DAPK2: variants seen among roughly 807,000 people sequenced by gnomAD.
DAPK2 encodes the protein death associated protein kinase 2.
In DAPK2, 35 loss-of-function variants were observed where a neutral mutation model predicts 44.1. The observed-to-expected ratio is 0.79, with a 90% CI of 0.61 to 1.05. The LOEUF (loss-of-function observed/expected upper bound fraction) is 1.05, where lower values mean the gene tolerates loss of function less well. Among genes scored for constraint, DAPK2 ranks in the 50% least tolerant of loss-of-function variants. The pLI is 0.00. For synonymous variants in DAPK2, 174 were observed against 182.6 expected (o/e 0.95, Z 0.38); for missense variants, 453 against 483.2 (o/e 0.94, Z 0.59).
intron 1 of DAPK2, among the ~76,000 whole-genome samples, chr15:64,000,345 C>T (rs2079053546): frequency 6.6e-6 from 1 of 152,168 alleles, no homozygotes; most frequent in Non-Finnish European, 1.5e-5. Flanking sequence ...ACCTTTCTCC[C>T]TGAACAAATA....
In DAPK2 at chr15:64,013,854, TGCCATTATGA is replaced by T. The variant is rs2079452478; in HGVS notation, c.92+26306_92+26315del. Among the ~76,000 whole-genome samples, 1 of 152,218 alleles carries T rather than the reference TGCCATTATGA, an allele frequency of 6.6e-6. No individual in the cohort carries two copies. Among genetic ancestry groups the T allele is most frequent in the Non-Finnish European group, 1.5e-5 (1 of 68,042 alleles). On this transcript the variant is annotated intron_variant, in intron 1 of 10. Coordinates refer to ENST00000261891, the Ensembl canonical transcript of DAPK2. This position sits in a 1 kb window ranked among gnomAD's most constrained non-coding sequence, Gnocchi z 4.7. The stretch of plus-strand genomic sequence containing the variant: ...CCAGCCTCACATGAATAAATCATGA[TGCCATTATGA>T]GCAGATAGAAATCTCCTGCTTCAGG...
In DAPK2 at chr15:64,020,459, T is replaced by C. The variant is rs1257190416; in HGVS notation, c.92+19711A>G. On this transcript the variant is annotated intron_variant, in intron 1 of 10. Transcript: ENST00000261891. This position sits in a 1 kb window ranked among gnomAD's most constrained non-coding sequence, Gnocchi z 4.5. ...TGCAGTAATGATTAAGGTGATACCA[T>C]GGCATCATCAATTCTCTTGCCTCTT... 6.6e-6 allele frequency among the ~76,000 whole-genome samples: 1 copy of C among 152,358 alleles called. No homozygotes were observed. The highest frequency in any genetic ancestry group is 1.5e-5 in the Non-Finnish European group (1 of 68,036).
intron 3 of DAPK2, among the ~76,000 whole-genome samples, chr15:63,964,206 AT>A (rs1190459744): frequency 2.6e-5 from 4 of 152,078 alleles, no homozygotes; most frequent in African/African-American, 9.7e-5. Flanking sequence ...TTTGAAGGAT[AT>A]TTTTGCTGGA....
In DAPK2 at chr15:63,993,164, A is replaced by G. The variant is rs540187766; in HGVS notation, c.93-9410T>C. On this transcript the variant is annotated intron_variant, in intron 1 of 10. Coordinates refer to ENST00000261891, the Ensembl canonical transcript of DAPK2. ...TCTTCCTGGCCCACAACCCCCTGTG[A>G]TCTTTCCCATAATTCATGTAAGGTG... is the stretch of plus-strand genomic sequence containing the variant. Among the ~76,000 whole-genome samples, 3 of 152,152 alleles carry G rather than the reference A, an allele frequency of 2.0e-5. No individual in the cohort carries two copies. The South Asian group carries it at 6.2e-4, about 32-fold the overall frequency.
intron 1 of DAPK2, among the ~76,000 whole-genome samples, chr15:63,999,676 C>T (rs1420452622): frequency 6.6e-6 from 1 of 152,124 alleles, no homozygotes; most frequent in Non-Finnish European, 1.5e-5. Flanking sequence ...CAAGAGTCCC[C>T]TGCCCCATTC....
In DAPK2 at chr15:63,912,237, T is replaced by TCAGACAGCAG; in HGVS notation, c.859-50_859-41dup. 6.2e-7 allele frequency: 1 copy of TCAGACAGCAG among 1,600,678 alleles called. No individual in the cohort carries two copies. The highest frequency in any genetic ancestry group is 2.2e-5 in the East Asian group (1 of 44,810). On this transcript the variant is annotated intron_variant, in intron 8 of 10. Coordinates refer to ENST00000261891, the Ensembl canonical transcript of DAPK2. This position sits in a 1 kb window ranked among gnomAD's most constrained non-coding sequence, Gnocchi z 4.4. ...AGAGCATGGCAGCTGATGCTGGGCT[T>TCAGACAGCAG]CAGACAGCAGCCACCCTCCTCGCCG...
At chr15:64,010,886 G>A (rs145703937) in intron 1 of DAPK2, among the ~76,000 whole-genome samples, 6 of 152,192 alleles carry the variant, frequency 3.9e-5, no homozygotes, top group Non-Finnish European at 5.9e-5. Flanking sequence ...TGTCCTGACC[G>A]CATCACAAGA....
At chr15:63,938,565 A>G (rs541758307) in intron 4 of DAPK2, among the ~76,000 whole-genome samples, 14 of 152,082 alleles carry the variant, frequency 9.2e-5, no homozygotes, top group Non-Finnish European at 1.6e-4. Context: ...GACCACTCCA[A>G]CTCCCAAAGC....
In DAPK2 at chr15:63,971,576, C is replaced by CG. The variant is rs754224413; in HGVS notation, c.315-16dup. 1.5e-5 allele frequency: 24 copies of CG among 1,612,816 alleles called. No homozygotes were observed. Among genetic ancestry groups the CG allele is most frequent in the African/African-American group, 1.3e-4 (10 of 74,866 alleles). Reference sequence around the variant, plus strand: ...CTCCAGACACTCTGTAAAACACCAGCGGGGGGAGGGGAGGCCCAGGCCCAG... The same window carrying CG: ...CTCCAGACACTCTGTAAAACACCAGCGGGGGGGAGGGGAGGCCCAGGCCCAG... On this transcript the variant is annotated splice_polypyrimidine_tract_variant and intron_variant, in intron 2 of 10. Coordinates refer to ENST00000261891, the Ensembl canonical transcript of DAPK2.
Position 63,939,684 on chromosome 15 carries a change from T to A in DAPK2, c.454-323A>T, listed in dbSNP as rs968088469. Among the ~76,000 whole-genome samples the A allele has an allele frequency of 6.6e-6, 1 of 152,194 alleles. No homozygotes were observed. The highest frequency in any genetic ancestry group is 2.1e-4 in the South Asian group (1 of 4,826). On this transcript the variant is annotated intron_variant, in intron 3 of 10. Coordinates refer to ENST00000261891, the Ensembl canonical transcript of DAPK2. This position sits in a 1 kb window ranked among gnomAD's most constrained non-coding sequence, Gnocchi z 4.3. The stretch of plus-strand genomic sequence containing the variant: ...TTAATGCAGTGCCTCTGTTTTCCTA[T>A]CTGTCAAATGGGGCCAATGAGATAC...
intron 2 of DAPK2, among the ~76,000 whole-genome samples, chr15:63,982,758 T>C (rs1386602684): frequency 6.6e-6 from 1 of 152,232 alleles, no homozygotes; most frequent in Non-Finnish European, 1.5e-5. Context: ...GTCCTGCCAC[T>C]TCCTGGCTAT....
intron 1 of DAPK2, among the ~76,000 whole-genome samples, chr15:63,992,216 G>A (rs183459957): frequency 2.6e-5 from 4 of 152,254 alleles, no homozygotes; most frequent in African/African-American, 9.6e-5. Flanking sequence ...ACTTGGCTAC[G>A]TAAAGAAAGA....
chr15:63,962,700 C>G (rs944827191), intron 3 of DAPK2, among the ~76,000 whole-genome samples: 6 of 152,126 alleles, frequency 3.9e-5, no homozygotes, highest in Admixed American at 3.9e-4. Context: ...CTGCCTGATC[C>G]CTCTTCTGGA....
At chr15:64,010,109 A>T (rs1411806006) in intron 1 of DAPK2, among the ~76,000 whole-genome samples, 1 of 152,142 alleles carries the variant, frequency 6.6e-6, no homozygotes, top group African/African-American at 2.4e-5. Flanking sequence ...TAAGATCAGG[A>T]TCATCTGGGA....
chr15:63,922,515 G>T, intron 8 of DAPK2: 2 of 1,347,076 alleles, frequency 1.5e-6, no homozygotes, highest in Non-Finnish European at 1.9e-6. Context: ...CAGCTTGGCT[G>T]CCCTGCCAGA....
rs146445151 is a variant in DAPK2 at position 63,965,556 on chromosome 15, C to G, written c.453+5867G>C. Among the ~76,000 whole-genome samples the G allele has an allele frequency of 5.3e-5, 8 of 152,342 alleles. No individual in the cohort carries two copies. The East Asian group carries it at 5.8e-4, about 11-fold the overall frequency. On this transcript the variant is annotated intron_variant, in intron 3 of 10. Transcript: ENST00000261891. ...TTCCCTCAGGGTGGTGAGCTTCCCC[C>G]CCTTGGGTGGTCCAGAGATGCCATC... is the stretch of plus-strand genomic sequence containing the variant.
rs2078542022 is a variant in DAPK2 at position 63,982,340 on chromosome 15, G to GCA, written c.314+1192_314+1193insTG. Among the ~76,000 whole-genome samples, 3 of 152,008 alleles carry GCA rather than the reference G, an allele frequency of 2.0e-5. No individual in the cohort carries two copies. In the South Asian group the frequency reaches 6.3e-4, roughly 32 times the overall value. ...CGAGTAGCTGGGATTACAGACACCT[G>GCA]CCACCACACCCGGCTAATTTTTGTA... On this transcript the variant is annotated intron_variant, in intron 2 of 10. Transcript: ENST00000261891.
intron 3 of DAPK2, among the ~76,000 whole-genome samples, chr15:63,956,333 T>A (rs952806725): frequency 6.6e-6 from 1 of 152,066 alleles, no homozygotes; most frequent in African/African-American, 2.4e-5. Context: ...TTCTACTAAT[T>A]TTGGATTTGG....
chr15:63,983,136 T>G (rs560529927), intron 2 of DAPK2, among the ~76,000 whole-genome samples: 5 of 152,276 alleles, frequency 3.3e-5, no homozygotes, highest in Admixed American at 3.3e-4. Context: ...CCCCTCCTCA[T>G]AGTACACAGC....
Sources: gnomAD v4.1 joint callset for allele counts (sites outside exome capture counted in the v4.1 genomes callset) on GRCh38, gnomAD v4.1.1 for gene constraint, Gnocchi (gnomAD v3.1) non-coding constraint, MANE v1.5 for transcripts, NCBI Gene and HGNC (gene_info 2026-07-23, HGNC 2026-07-21) for gene names.